The following IFT46 variants were observed in gnomAD, a reference collection of about 807,000 sequenced individuals.
IFT46 encodes intraflagellar transport protein 46 homolog.
A neutral mutation model predicts 39.6 loss-of-function variants in IFT46; 19 were observed. The ratio of observed to expected loss-of-function variants is 0.48; its 90% CI spans 0.33 to 0.70. The LOEUF is 0.70. Among genes scored for constraint, IFT46 ranks in the 30% least tolerant of loss-of-function variants. The pLI, the probability that IFT46 is intolerant of heterozygous loss-of-function variation, is 0.01. For missense variants in IFT46, 334 were observed against 364.8 expected, an observed-to-expected ratio of 0.92 and a Z score of 0.69; for synonymous variants, 117 against 134.8, an observed-to-expected ratio of 0.87 and a Z score of 0.91.
chr11:118,563,355 GT>G (rs1162603982), intron 2 of IFT46, among the ~76,000 whole-genome samples: 1 of 152,152 alleles, frequency 6.6e-6, no homozygotes, highest in Non-Finnish European at 1.5e-5. Context: ...AGTGGCGATG[GT>G]TAAACAACAT....
chr11:118,565,651 C>G (rs1221556094), intron 1 of IFT46, 139 bp downstream of exon 1: 2 of 152,660 alleles, frequency 1.3e-5, no homozygotes, highest in Non-Finnish European at 2.9e-5. Flanking sequence ...ATAAAGGAAG[C>G]AGGACGGTTG....
rs782740019 is a variant in IFT46, at chr11:118,545,831, A to G, written c.695T>C (p.Ile232Thr). Residue 232 changes from isoleucine to threonine, a missense_variant, in exon 10 of 12, where the codon ATT (isoleucine) becomes ACT (threonine). Transcript: ENST00000264021. Reference sequence around the variant, plus strand: ...AATGTACTCTGCCAGGCTGCAATCAATCTCTGCCGTGGGCAGGCTTACCTG... The same window carrying G: ...AATGTACTCTGCCAGGCTGCAATCAGTCTCTGCCGTGGGCAGGCTTACCTG... Reference protein sequence around the residue: ...LGKVSLPTAEIDCSLAEYIDM... With the variant: ...LGKVSLPTAETDCSLAEYIDM... The G allele has an allele frequency of 2.5e-6, 4 of 1,614,178 alleles. No homozygotes were observed. The South Asian group carries it at 4.4e-5, about 18-fold the overall frequency.
In IFT46 at chr11:118,552,477, G is replaced by C. The variant is rs370572407; in HGVS notation, c.484-142C>G. The stretch of plus-strand genomic sequence containing the variant: ...CACGTGAAACAGTAGCCAAATGAAG[G>C]GGATAGAAAACCCTGATAAAATCTG... On this transcript the variant is annotated intron_variant, in intron 7 of 11. Transcript: ENST00000264021. The C allele has an allele frequency of 2.4e-5, 24 of 990,456 alleles. No individual in the cohort carries two copies. The East Asian group carries it at 3.2e-4, about 13-fold the overall frequency. 61.4% of individuals were successfully genotyped at this position (990,456 alleles called of 1,614,324 possible).
intron 9 of IFT46, chr11:118,546,270 G>A: frequency 1.5e-6 from 1 of 674,290 alleles, no homozygotes; most frequent in Non-Finnish European, 2.7e-6. Context: ...GGTTGAGGTG[G>A]GCAGATCGCC....
intron 2 of IFT46, among the ~76,000 whole-genome samples, chr11:118,563,216 A>C (rs1168221545): frequency 3.3e-5 from 5 of 150,108 alleles, no homozygotes; most frequent in Non-Finnish European, 5.9e-5. Flanking sequence ...GATTTCACTT[A>C]TGTGGTTCCC....
chr11:118,547,083 T>C (rs1024108485), intron 9 of IFT46: 3 of 152,202 alleles, frequency 2.0e-5, no homozygotes, highest in Admixed American at 2.0e-4. Context: ...ACTGAATGGA[T>C]GTACTGCAAC....
At chr11:118,576,027 T>G (rs1004403517), upstream of IFT46, among the ~76,000 whole-genome samples, 1 of 152,160 alleles carries the variant, frequency 6.6e-6, no homozygotes, top group Middle Eastern at 3.4e-3. Flanking sequence ...TTACAGAACT[T>G]TAAAGACACA....
upstream of IFT46, among the ~76,000 whole-genome samples, chr11:118,569,640 T>G: frequency 6.6e-6 from 1 of 152,178 alleles, no homozygotes; most frequent in South Asian, 2.1e-4. Flanking sequence ...GAATCCTCGC[T>G]TACCTACTTT....
chr11:118,556,420 GA>G, intron 4 of IFT46, among the ~76,000 whole-genome samples: 1 of 152,036 alleles, frequency 6.6e-6, no homozygotes, highest in South Asian at 2.1e-4. Flanking sequence ...GTGAACCCAG[GA>G]GGCGGAGCTT....
chr11:118,552,128 C>A, intron 8 of IFT46, 86 bp downstream of exon 8: 1 of 1,506,302 alleles, frequency 6.6e-7, no homozygotes, highest in South Asian at 1.2e-5. Flanking sequence ...ATGTTCCCAG[C>A]CTCTGGGCCT....
At chr11:118,571,893 G>A (rs1055606067) in intron 1 of IFT46, among the ~76,000 whole-genome samples, 8 of 152,158 alleles carry the variant, frequency 5.3e-5, no homozygotes, top group South Asian at 2.1e-4. Flanking sequence ...TTTGAGGCTA[G>A]CCTGGCCGAC....
At chr11:118,553,740 A>C (rs1937733117) in intron 7 of IFT46, among the ~76,000 whole-genome samples, 2 of 152,260 alleles carry the variant, frequency 1.3e-5, no homozygotes, top group Non-Finnish European at 2.9e-5. Context: ...AAGAGTGGAC[A>C]GAACTAGAGA....
chr11:118,554,616 A>G, intron 6 of IFT46, 29 bp from the exon 7 acceptor site: 1 of 1,571,556 alleles, frequency 6.4e-7, no homozygotes, highest in Non-Finnish European at 8.6e-7. Flanking sequence ...AGAAAGCAGA[A>G]AGGAAAATGT....
chr11:118,547,543 T>G (rs1469571034), intron 9 of IFT46, among the ~76,000 whole-genome samples: 7 of 151,942 alleles, frequency 4.6e-5, no homozygotes, highest in Admixed American at 2.6e-4. Flanking sequence ...CTCAGCCTCC[T>G]GAGTAGCTGG....
At chr11:118,572,254 G>C in intron 1 of IFT46, 1 of 434,384 alleles carries the variant, frequency 2.3e-6, no homozygotes, top group Non-Finnish European at 4.1e-6. Flanking sequence ...AGAGATACGA[G>C]GTTCCACAGC....
chr11:118,572,626 G>A (rs1401992234), exon 1 of IFT46: 10 of 1,559,344 alleles, frequency 6.4e-6, no homozygotes, highest in Non-Finnish European at 8.7e-6. Context: ...CCTGGGGCAG[G>A]GGCCGGAGGA....
rs1951638244 is a variant in IFT46 at position 118,544,907 on chromosome 11, G to A, written c.*9C>T. On this transcript the variant is annotated 3_prime_UTR_variant, in exon 12 of 12. Transcript: ENST00000264021. ...AGCTCAGCCTTGAAACAGCAGCTTG[G>A]GAAGTGTCTCAGCTGAAGGTTAATG... 1 of 1,600,078 alleles carries A rather than the reference G, an allele frequency of 6.2e-7. No homozygotes were observed. The highest frequency in any genetic ancestry group is 2.2e-5 in the East Asian group (1 of 44,808).
chr11:118,553,690 C>T (rs946728864), intron 7 of IFT46, among the ~76,000 whole-genome samples: 1 of 152,092 alleles, frequency 6.6e-6, no homozygotes, highest in Non-Finnish European at 1.5e-5. Flanking sequence ...TATACCTACA[C>T]AAAAACTTGT....
At chr11:118,576,229 C>A (rs539990013), upstream of IFT46, among the ~76,000 whole-genome samples, 1 of 151,124 alleles carries the variant, frequency 6.6e-6, no homozygotes, top group East Asian at 1.9e-4. Flanking sequence ...TTATTTAGTC[C>A]AAAGATAGTG....
Sources: gnomAD v4.1 joint callset for allele counts (sites outside exome capture counted in the v4.1 genomes callset) on GRCh38, gnomAD v4.1.1 for gene constraint, MANE v1.5 for transcripts, NCBI Gene and HGNC (gene_info 2026-07-23, HGNC 2026-07-21) for gene names.